The following COBLL1 variants were observed in gnomAD, a reference collection of about 807,000 sequenced individuals.
COBLL1 encodes the protein cordon-bleu protein-like 1.
COBLL1 carries 50 observed loss-of-function variants against 94.8 expected under a neutral mutation model. The ratio of observed to expected loss-of-function variants is 0.53; its 90% CI spans 0.42 to 0.67. The LOEUF (loss-of-function observed/expected upper bound fraction) is 0.67, where lower values mean the gene tolerates loss of function less well. Ranked by LOEUF, COBLL1 falls within the 30% of genes least tolerant of loss-of-function variation. The probability of loss-of-function intolerance (pLI) is 0.00; values close to 1 mark genes in which losing one functional copy is unlikely to be tolerated. For missense variants in COBLL1, 1,362 were observed against 1,348.7 expected (o/e 1.01, Z -0.15); for synonymous variants, 448 against 473.8 (o/e 0.95, Z 0.71).
intron 7 of COBLL1, chr2:164,718,291 T>C: frequency 1.0e-6 from 1 of 977,916 alleles, no homozygotes; most frequent in Non-Finnish European, 1.2e-6. Context: ...GCTGCAAGCA[T>C]TAAGCCATAA....
intron 2 of COBLL1, among the ~76,000 whole-genome samples, chr2:164,744,111 C>T (rs375098929): frequency 6.6e-6 from 1 of 152,036 alleles, no homozygotes; most frequent in Non-Finnish European, 1.5e-5. Flanking sequence ...TAAAAAGAAA[C>T]ATGATAAAGA....
intron 2 of COBLL1, among the ~76,000 whole-genome samples, chr2:164,763,083 C>T (rs1574542388): frequency 6.6e-6 from 1 of 152,180 alleles, no homozygotes; most frequent in African/African-American, 2.4e-5. Flanking sequence ...TGCTTTCACA[C>T]AATAACAGAG....
intron 2 of COBLL1, among the ~76,000 whole-genome samples, chr2:164,834,590 G>A (rs1244810371): frequency 2.0e-5 from 3 of 152,196 alleles, no homozygotes; most frequent in African/African-American, 7.2e-5. Flanking sequence ...TTTATTTACT[G>A]ATCTTATAAA....
chr2:164,763,770 G>A (rs2105229717), intron 2 of COBLL1, among the ~76,000 whole-genome samples: 1 of 152,244 alleles, frequency 6.6e-6, no homozygotes, highest in East Asian at 1.9e-4. Context: ...GAATATAATA[G>A]AAACAATGTC....
In COBLL1 at chr2:164,684,819, C is replaced by A. The variant is rs1683203549; in HGVS notation, c.*1127G>T. On this transcript the variant is annotated 3_prime_UTR_variant, in exon 14 of 14. Transcript: ENST00000652658. The stretch of plus-strand genomic sequence containing the variant: ...AAAAATCCCCAAGAGGCAGATATCC[C>A]AGTAGTTTTAGTGAAAACAAATTTA... 6.6e-6 allele frequency: 1 copy of A among 151,958 alleles called. No homozygotes were observed. The highest frequency in any genetic ancestry group is 6.6e-5 in the Admixed American group (1 of 15,238). The allele number at this position is 151,958 out of a possible 1,614,324, so 9.4% of individuals were successfully genotyped here. A position where few individuals can be genotyped will look rare whatever the true frequency, so the allele number is the denominator to read the frequency against.
chr2:164,825,271 C>A lies in COBLL1; in HGVS notation c.41+15885G>T, dbSNP rs1685368406. ...ATAAATTTACAAATATTCATTCAAT[C>A]TCTGAAGCAATTAAGGCTCCATATT... On this transcript the variant is annotated intron_variant, in intron 2 of 13. Coordinates refer to ENST00000652658, the MANE Select transcript of COBLL1 (RefSeq NM_001365672.2). Among the ~76,000 whole-genome samples the A allele has an allele frequency of 2.0e-5, 3 of 152,132 alleles. 1 individual carries two copies. The highest frequency in any genetic ancestry group is 2.0e-4 in the Admixed American group (3 of 15,276).
intron 9 of COBLL1, chr2:164,703,284 C>T (rs1159665951): frequency 7.1e-6 from 7 of 989,222 alleles, no homozygotes; most frequent in Non-Finnish European, 1.1e-5. Context: ...AAGCAGAGAC[C>T]AAGAAGCATT....
intron 2 of COBLL1, among the ~76,000 whole-genome samples, chr2:164,746,481 C>T (rs1686863959): frequency 6.6e-6 from 1 of 152,074 alleles, no homozygotes; most frequent in East Asian, 1.9e-4. Context: ...ATCTGGAGTG[C>T]TATACAAATG....
intron 2 of COBLL1, among the ~76,000 whole-genome samples, chr2:164,801,107 G>T (rs1683756279): frequency 1.3e-5 from 2 of 151,934 alleles, no homozygotes; most frequent in African/African-American, 2.4e-5. Context: ...AGACCAGCCT[G>T]GGGAACATAG....
At chr2:164,674,334 C>A (rs1300235389) in intron 1 of COBLL1, among the ~76,000 whole-genome samples, 1 of 152,166 alleles carries the variant, frequency 6.6e-6, no homozygotes, top group Non-Finnish European at 1.5e-5. Context: ...GCTGGCATTA[C>A]AGGCGTGAAC....
At chr2:164,823,680 C>T (rs1374886130) in intron 2 of COBLL1, among the ~76,000 whole-genome samples, 1 of 152,176 alleles carries the variant, frequency 6.6e-6, no homozygotes, top group Non-Finnish European at 1.5e-5. Context: ...CCCCTGAGAA[C>T]ATCCCCTCTC....
chr2:164,797,212 C>A (rs183885477), intron 2 of COBLL1, among the ~76,000 whole-genome samples: 1 of 152,312 alleles, frequency 6.6e-6, no homozygotes, highest in East Asian at 1.9e-4. Flanking sequence ...CATTACCACA[C>A]TAGGCAATGT....
At chr2:164,835,538 T>C (rs11902000) in intron 2 of COBLL1, among the ~76,000 whole-genome samples, 25,692 of 152,088 alleles carry the variant, frequency 0.17, 3,307 homozygotes, top group African/African-American at 0.36. Flanking sequence ...GGTTTCAGTT[T>C]TGCCAGATGG....
intron 2 of COBLL1, among the ~76,000 whole-genome samples, chr2:164,833,049 CA>C (rs545982147): frequency 2.0e-5 from 3 of 149,698 alleles, no homozygotes; most frequent in East Asian, 3.9e-4. Context: ...ATCTCAAAAA[CA>C]AAAAAAACAA....
At chr2:164,745,243 T>C (rs1009524493) in intron 2 of COBLL1, among the ~76,000 whole-genome samples, 1 of 152,210 alleles carries the variant, frequency 6.6e-6, no homozygotes, top group Non-Finnish European at 1.5e-5. Context: ...GCAAGGTTCC[T>C]ACAATGTACA....
rs1048280522 is a variant in COBLL1 at position 164,716,387 on chromosome 2, G to A, written c.996+5688C>T. Among the ~76,000 whole-genome samples the A allele has an allele frequency of 5.9e-5, 9 of 152,142 alleles. No homozygotes were observed. The East Asian group carries it at 1.5e-3, about 26-fold the overall frequency. On this transcript the variant is annotated intron_variant, in intron 7 of 13. Transcript: ENST00000652658. Reference sequence around the variant, plus strand: ...TCAGGAAAAATCATATTTAAAAAATGCTCAAAAACTACCAAGAAATACTGC... The same window carrying A: ...TCAGGAAAAATCATATTTAAAAAATACTCAAAAACTACCAAGAAATACTGC...
chr2:164,801,246 T>C (rs543791806), intron 2 of COBLL1, among the ~76,000 whole-genome samples: 5 of 151,560 alleles, frequency 3.3e-5, no homozygotes, highest in African/African-American at 1.2e-4. Context: ...GAGACCATCC[T>C]GGCTAACAAG....
chr2:164,718,879 A>C (rs1434701093), intron 7 of COBLL1, among the ~76,000 whole-genome samples: 1 of 152,104 alleles, frequency 6.6e-6, no homozygotes, highest in Non-Finnish European at 1.5e-5. Context: ...CAATAAGTCA[A>C]ATCTTCTGGT....
chr2:164,790,975 A>T (rs1272172499), intron 2 of COBLL1, among the ~76,000 whole-genome samples: 1 of 152,212 alleles, frequency 6.6e-6, no homozygotes, highest in Non-Finnish European at 1.5e-5. Context: ...TCTCCAAAAG[A>T]TAACTCCTAT....
Sources: allele counts gnomAD v4.1 joint callset (sites outside exome capture counted in the v4.1 genomes callset), GRCh38; gene constraint gnomAD v4.1.1; transcripts MANE v1.5; gene names NCBI Gene and HGNC (gene_info 2026-07-23, HGNC 2026-07-21).